The following SETBP1 variants were observed in gnomAD, a reference collection of about 807,000 sequenced individuals.
The protein encoded by SETBP1 is SET binding protein 1, also known as SET-binding protein.
Under a neutral mutation model 101.0 loss-of-function variants are expected in SETBP1, and 9 were observed. The ratio of observed to expected loss-of-function variants is 0.09; its 90% CI spans 0.05 to 0.16. The LOEUF (loss-of-function observed/expected upper bound fraction) is 0.16, where lower values mean the gene tolerates loss of function less well. Ranked by LOEUF, SETBP1 falls within the 10% of genes least tolerant of loss-of-function variation. The pLI, the probability that SETBP1 is intolerant of heterozygous loss-of-function variation, is 1.00. For synonymous variants in SETBP1, 818 were observed against 788.5 expected (o/e 1.04, Z -0.63); for missense variants, 1,858 against 2,033.8 (o/e 0.91, Z 1.66).
Position 44,952,254 on chromosome 18 carries a change from C to A in SETBP1, c.2914C>A (p.Arg972=), listed in dbSNP as rs777055072. 6.2e-7 allele frequency: 1 copy of A among 1,613,992 alleles called. No individual in the cohort carries two copies. Among genetic ancestry groups the A allele is most frequent in the African/African-American group, 1.3e-5 (1 of 74,890 alleles). The change falls in exon 4 of 6, where the codon CGG becomes AGG. Residue 972 remains arginine, a synonymous_variant. Coordinates refer to ENST00000649279, the MANE Select transcript of SETBP1 (RefSeq NM_015559.3). ...TKFQVFRISH[R]SYTFYHENPY... is the part of the protein sequence containing the mutation. ...GTTCCAAGTGTTCAGAATCTCCCAC[C>A]GGAGTTACACCTTCTACCACGAGAA...
chr18:44,690,431 T>A (rs1294715391), intron 1 of SETBP1, among the ~76,000 whole-genome samples: 1 of 152,248 alleles, frequency 6.6e-6, no homozygotes, highest in African/African-American at 2.4e-5. Flanking sequence ...TCAAGGAATT[T>A]GAATTAAAAC....
intron 3 of SETBP1, among the ~76,000 whole-genome samples, chr18:44,932,101 T>C (rs2070850232): frequency 6.6e-6 from 1 of 152,240 alleles, no homozygotes; most frequent in African/African-American, 2.4e-5. Context: ...CCATGTTTAG[T>C]GCTTCCTTCA....
chr18:44,791,880 G>C (rs1415206678), intron 2 of SETBP1, among the ~76,000 whole-genome samples: 1 of 152,152 alleles, frequency 6.6e-6, no homozygotes, highest in Non-Finnish European at 1.5e-5. Context: ...CTAACTTCTT[G>C]GGGAGGGGTA....
chr18:44,753,666 C>G (rs972526896), intron 2 of SETBP1, among the ~76,000 whole-genome samples: 1 of 152,198 alleles, frequency 6.6e-6, no homozygotes, highest in Non-Finnish European at 1.5e-5. Flanking sequence ...TTTAGGTGAG[C>G]ATGAGTTTCA....
Position 44,943,987 on chromosome 18 carries a change from A to G in SETBP1, c.541-5894A>G, listed in dbSNP as rs549363545. Among the ~76,000 whole-genome samples the G allele has an allele frequency of 2.2e-3, 332 of 152,088 alleles. 5 individuals carry two copies. The highest frequency in any genetic ancestry group is 7.7e-3 in the African/African-American group (320 of 41,482). ...GTAGCTGGGATTACAGGTGCACGCC[A>G]TGATACCCATCTAATTTTTGTATTT... On this transcript the variant is annotated intron_variant, in intron 3 of 5. Transcript: ENST00000649279.
At chr18:44,816,422 G>C (rs1459083987) in intron 2 of SETBP1, among the ~76,000 whole-genome samples, 1 of 152,200 alleles carries the variant, frequency 6.6e-6, no homozygotes, top group Non-Finnish European at 1.5e-5. Flanking sequence ...AGGGGAAGGG[G>C]TGCAGGAGGA....
At chr18:44,726,415 A>G (rs571085446) in intron 2 of SETBP1, among the ~76,000 whole-genome samples, 4 of 152,336 alleles carry the variant, frequency 2.6e-5, no homozygotes, top group African/African-American at 9.6e-5. Context: ...CTGCAAATGT[A>G]TATGTAATCC....
At position 44,977,953 on chromosome 18, in the gene SETBP1, G is replaced by C. The variant is rs180859053; in HGVS notation, c.4000+24613G>C. 3.5e-3 allele frequency among the ~76,000 whole-genome samples: 531 copies of C among 152,198 alleles called. 1 individual carries two copies. Among genetic ancestry groups the C allele is most frequent in the African/African-American group, 0.012 (481 of 41,522 alleles). On this transcript the variant is annotated intron_variant, in intron 4 of 5. Coordinates refer to ENST00000649279, the MANE Select transcript of SETBP1 (RefSeq NM_015559.3). ...TTTTCATCTATCAGAAAGTTCAGCG[G>C]CATGGTGCATTTTTCAGCTCTGGGG...
chr18:44,687,161 G>A (rs1423740834), intron 1 of SETBP1, among the ~76,000 whole-genome samples: 1 of 152,216 alleles, frequency 6.6e-6, no homozygotes, highest in Non-Finnish European at 1.5e-5. Flanking sequence ...AGAAGGCTGA[G>A]GCAGAAAGCA....
intron 3 of SETBP1, among the ~76,000 whole-genome samples, chr18:44,892,739 C>G (rs1040437058): frequency 2.0e-5 from 3 of 152,064 alleles, no homozygotes; most frequent in Admixed American, 2.0e-4. Context: ...AATAATTTTT[C>G]TTCCTCATCC....
intron 4 of SETBP1, among the ~76,000 whole-genome samples, chr18:44,973,742 G>A (rs149293088): frequency 4.3e-4 from 66 of 152,302 alleles, no homozygotes; most frequent in African/African-American, 1.4e-3. Context: ...GAAAATGCTG[G>A]TAGGGCTGCC....
intron 3 of SETBP1, among the ~76,000 whole-genome samples, chr18:44,937,921 G>A (rs2071000056): frequency 6.6e-6 from 1 of 152,162 alleles, no homozygotes; most frequent in African/African-American, 2.4e-5. Flanking sequence ...AGGGGGAAGA[G>A]AACAATGAAC....
intron 2 of SETBP1, among the ~76,000 whole-genome samples, chr18:44,852,983 CA>C (rs2072904146): frequency 6.6e-6 from 1 of 152,218 alleles, no homozygotes; most frequent in Admixed American, 6.5e-5. Context: ...AAGTGGAATT[CA>C]ACCCCAAAGC....
intron 2 of SETBP1, among the ~76,000 whole-genome samples, chr18:44,795,932 A>G (rs1254011431): frequency 6.6e-6 from 1 of 152,178 alleles, no homozygotes; most frequent in African/African-American, 2.4e-5. Context: ...CTGTCTTTTT[A>G]TATCATTTGA....
intron 5 of SETBP1, among the ~76,000 whole-genome samples, chr18:45,048,502 C>T (rs894490347): frequency 6.6e-6 from 1 of 152,170 alleles, no homozygotes; most frequent in Non-Finnish European, 1.5e-5. Context: ...TATCCTCACT[C>T]CCCCTTCCAA....
chr18:44,723,581 G>T (rs2069647548), intron 2 of SETBP1, among the ~76,000 whole-genome samples: 2 of 152,320 alleles, frequency 1.3e-5, no homozygotes, highest in South Asian at 4.1e-4. Flanking sequence ...AATTGCTGTG[G>T]CCGGTCATTG....
chr18:45,027,008 T>C (rs1455167153), intron 4 of SETBP1, among the ~76,000 whole-genome samples: 24 of 152,176 alleles, frequency 1.6e-4, no homozygotes, highest in Non-Finnish European at 4.4e-5. Flanking sequence ...ACCTTTAACT[T>C]GGGATGTCTC....
At chr18:44,875,527 CAAAAAA>C (rs10645515) in intron 3 of SETBP1, among the ~76,000 whole-genome samples, 5 of 61,610 alleles carry the variant, frequency 8.1e-5, no homozygotes, top group African/African-American at 7.3e-5. Context: ...GACTCCATCT[CAAAAAA>C]AAAAAAAAAA....
At chr18:44,884,374 A>G (rs1599273267) in intron 3 of SETBP1, among the ~76,000 whole-genome samples, 1 of 151,890 alleles carries the variant, frequency 6.6e-6, no homozygotes, top group South Asian at 2.1e-4. Flanking sequence ...CAATTGTAAA[A>G]CCCTCTCCAG....
Sources: gnomAD v4.1 joint callset for allele counts (sites outside exome capture counted in the v4.1 genomes callset) on GRCh38, gnomAD v4.1.1 for gene constraint, MANE v1.5 for transcripts, NCBI Gene and HGNC (gene_info 2026-07-23, HGNC 2026-07-21) for gene names.